The following MLIP variants were observed in gnomAD, a reference collection of about 807,000 sequenced individuals.
MLIP encodes the protein muscular LMNA interacting protein.
MLIP carries 79 observed loss-of-function variants against 84.8 expected under a neutral mutation model. That is an observed-to-expected ratio of 0.93 (90% CI 0.78 to 1.12). The LOEUF (loss-of-function observed/expected upper bound fraction) is 1.12. Ranked by LOEUF, MLIP falls within the 50% of genes most tolerant of loss-of-function variation. The pLI is 0.00. For missense variants in MLIP, 1,257 were observed against 1,160.6 expected (o/e 1.08, Z -1.21); for synonymous variants, 504 against 463.0 (o/e 1.09, Z -1.14).
chr6:54,095,527 T>C (rs1024029264), intron 1 of MLIP, among the ~76,000 whole-genome samples: 25 of 152,164 alleles, frequency 1.6e-4, no homozygotes, highest in Admixed American at 1.4e-3. Flanking sequence ...TCCTTTCCCT[T>C]CCAATCCCTT....
At chr6:54,240,132 C>G (rs1781635799) in intron 12 of MLIP, among the ~76,000 whole-genome samples, 1 of 152,162 alleles carries the variant, frequency 6.6e-6, no homozygotes, top group Middle Eastern at 3.4e-3. Context: ...AAGTGACAAA[C>G]AACAACAACA....
chr6:54,216,444 A>G lies in MLIP; in HGVS notation c.2718+14211A>G, dbSNP rs772139735. ...CCTCTGCTGCTCACTGTGATTGATT[A>G]TGGAGTGTTTTTCTTTCTTTTCCCT... On this transcript the variant is annotated intron_variant, in intron 11 of 13. Transcript: ENST00000502396. 6.0e-4 allele frequency: 587 copies of G among 985,266 alleles called. 1 individual carries two copies. Among genetic ancestry groups the G allele is most frequent in the Non-Finnish European group, 5.4e-4 (448 of 829,786 alleles). The allele number at this position is 985,266 out of a possible 1,614,324, so 61.0% of individuals were successfully genotyped here. A position where few individuals can be genotyped will look rare whatever the true frequency, so the allele number is the denominator to read the frequency against.
At chr6:54,174,985 G>A (rs998255257) in intron 9 of MLIP, among the ~76,000 whole-genome samples, 5 of 151,948 alleles carry the variant, frequency 3.3e-5, no homozygotes, top group African/African-American at 9.7e-5. Context: ...AGCTTCCCCA[G>A]CATCATTTAT....
intron 12 of MLIP, among the ~76,000 whole-genome samples, chr6:54,232,354 T>C (rs961203150): frequency 2.6e-5 from 4 of 152,284 alleles, no homozygotes; most frequent in African/African-American, 9.6e-5. Flanking sequence ...GGATAGACTA[T>C]ATTTCATCCA....
chr6:54,131,127 G>A (rs745473463), intron 3 of MLIP, among the ~76,000 whole-genome samples: 18 of 152,172 alleles, frequency 1.2e-4, no homozygotes, highest in African/African-American at 4.1e-4. Context: ...TTGTACAATA[G>A]CTTACCACAA....
intron 1 of MLIP, among the ~76,000 whole-genome samples, chr6:54,073,265 C>T (rs538522625): frequency 1.4e-4 from 22 of 152,202 alleles, no homozygotes; most frequent in African/African-American, 4.6e-4. Context: ...TTCAGGTTTT[C>T]GTAGTTAACT....
chr6:54,167,604 C>CA (rs1775325914), intron 8 of MLIP, among the ~76,000 whole-genome samples: 1 of 151,564 alleles, frequency 6.6e-6, no homozygotes, highest in South Asian at 2.1e-4. Context: ...ATTGTCTTGC[C>CA]TTTTTGTGTA....
At chr6:54,058,604 A>G (rs1247658194) in intron 1 of MLIP, among the ~76,000 whole-genome samples, 1 of 152,234 alleles carries the variant, frequency 6.6e-6, no homozygotes, top group African/African-American at 2.4e-5. Context: ...GTAAACACAG[A>G]CCATTTAATT....
chr6:54,024,545 A>C (rs571067076), intron 1 of MLIP, among the ~76,000 whole-genome samples: 3 of 152,342 alleles, frequency 2.0e-5, no homozygotes, highest in African/African-American at 7.2e-5. Context: ...ATCAGTATAC[A>C]TCACTAGACA....
chr6:54,124,334 A>G, intron 2 of MLIP, 139 bp from the exon 3 acceptor site: 1 of 866,140 alleles, frequency 1.2e-6, no homozygotes, highest in Non-Finnish European at 1.7e-6. Flanking sequence ...GCTAACTTCA[A>G]CCCAATCTCT....
At chr6:54,252,110 A>ATATAACTATATTATAACATATAATC (rs1782628257) in intron 12 of MLIP, among the ~76,000 whole-genome samples, 1 of 100,820 alleles carries the variant, frequency 9.9e-6, no homozygotes, top group African/African-American at 4.3e-5. Context: ...AACATATAAT[A>ATATAACTATATTATAACATATAATC]TATAACTATA....
chr6:54,212,890 C>A (rs1779563890), intron 11 of MLIP, among the ~76,000 whole-genome samples: 1 of 152,026 alleles, frequency 6.6e-6, no homozygotes. Context: ...CCTTTTATTT[C>A]TTTTTCACAT....
rs60586183 is a variant in MLIP, at chr6:54,019,156, C to T, written c.63+65C>T. ...ATTGACAGGGTAGTAGAGCAACTGT[C>T]ATAGACTGGAAAAGTTGTGCTAGCC... On this transcript the variant is annotated intron_variant, in intron 1 of 12. Coordinates refer to the MLIP transcript ENST00000274897. The T allele has an allele frequency of 2.1e-3, 3,292 of 1,538,030 alleles. 53 individuals carry two copies. The African/African-American group carries it at 0.034, about 16-fold the overall frequency.
intron 1 of MLIP, among the ~76,000 whole-genome samples, chr6:54,118,223 A>G (rs1770126970): frequency 1.3e-5 from 2 of 152,346 alleles, no homozygotes; most frequent in South Asian, 4.1e-4. Flanking sequence ...AATTTGAGCA[A>G]CAAGAACAAA....
At chr6:54,019,010 TTTCTCA>T (rs1480558760) in exon 1 of MLIP, 2 of 1,596,556 alleles carry the variant, frequency 1.3e-6, no homozygotes, top group South Asian at 2.2e-5. Context: ...TCTTTCTCTC[TTTCTCA>T]TTCTCTTTCA....
chr6:54,099,911 G>A (rs1243651561), intron 1 of MLIP, among the ~76,000 whole-genome samples: 2 of 152,012 alleles, frequency 1.3e-5, no homozygotes, highest in African/African-American at 4.8e-5. Context: ...AATGATAAAA[G>A]TTGATCAGAG....
intron 8 of MLIP, among the ~76,000 whole-genome samples, chr6:54,162,414 C>T (rs927920549): frequency 2.6e-5 from 4 of 151,980 alleles, no homozygotes; most frequent in Non-Finnish European, 5.9e-5. Context: ...GGGTTAAGCA[C>T]TGTGATTTAA....
intron 1 of MLIP, among the ~76,000 whole-genome samples, chr6:54,089,779 T>C (rs1767739063): frequency 6.6e-6 from 1 of 152,164 alleles, no homozygotes; most frequent in South Asian, 2.1e-4. Flanking sequence ...GTTTCTAAAG[T>C]ACAGCCTGAA....
chr6:54,025,145 G>A lies in MLIP; in HGVS notation c.63+6054G>A, dbSNP rs372070727. 2.8e-4 allele frequency among the ~76,000 whole-genome samples: 42 copies of A among 151,972 alleles called. 1 individual carries two copies. The East Asian group carries it at 7.4e-3, about 27-fold the overall frequency. Reference sequence around the variant, plus strand: ...ATTACAGGCGTGAGCCGTTGCGCCCGGCCTGTAACATGTTTTATTCTGCCA... The same window carrying A: ...ATTACAGGCGTGAGCCGTTGCGCCCAGCCTGTAACATGTTTTATTCTGCCA... On this transcript the variant is annotated intron_variant, in intron 1 of 12. Transcript: ENST00000274897.
Sources: allele counts gnomAD v4.1 joint callset (sites outside exome capture counted in the v4.1 genomes callset), GRCh38; gene constraint gnomAD v4.1.1; transcripts MANE v1.5; gene names NCBI Gene and HGNC (gene_info 2026-07-23, HGNC 2026-07-21).